Variants in EXOC4 observed in about 807,000 individuals in gnomAD.
The protein encoded by EXOC4 is SEC8-like 1.
EXOC4 carries 71 observed loss-of-function variants against 107.2 expected under a neutral mutation model. The ratio of observed to expected loss-of-function variants is 0.66; its 90% CI spans 0.55 to 0.81. The LOEUF is 0.81. Among genes scored for constraint, EXOC4 ranks in the 30% least tolerant of loss-of-function variants. The pLI, the probability that EXOC4 is intolerant of heterozygous loss-of-function variation, is 0.00. For missense variants in EXOC4, 1,108 were observed against 1,189.6 expected (o/e 0.93, Z 1.01); for synonymous variants, 456 against 441.2 (o/e 1.03, Z -0.42).
intron 10 of EXOC4, among the ~76,000 whole-genome samples, chr7:133,703,240 A>C (rs912371922): frequency 1.6e-4 from 24 of 152,206 alleles, no homozygotes; most frequent in Non-Finnish European, 7.3e-5. Flanking sequence ...CAGCATATGT[A>C]GCATTATTTA....
At chr7:133,638,472 T>C (rs1316217321) in intron 10 of EXOC4, among the ~76,000 whole-genome samples, 1 of 152,132 alleles carries the variant, frequency 6.6e-6, no homozygotes, top group East Asian at 1.9e-4. Flanking sequence ...ATGCTGATGA[T>C]TATCATTGGC....
rs531594523 is a variant in EXOC4 at position 133,571,625 on chromosome 7, A to C, written c.1418-58420A>C. ...AGGAGTCAGCGGTTGCAGTGAGCCAAGATGGCACCACTGCATGCCAGCCTG... is the reference window on the plus strand; with the variant it reads ...AGGAGTCAGCGGTTGCAGTGAGCCACGATGGCACCACTGCATGCCAGCCTG... On this transcript the variant is annotated intron_variant, in intron 9 of 17. Coordinates refer to ENST00000253861, the MANE Select transcript of EXOC4 (RefSeq NM_021807.4). Among the ~76,000 whole-genome samples the C allele has an allele frequency of 2.0e-5, 3 of 151,978 alleles. No homozygotes were observed. The East Asian group carries it at 5.8e-4, about 29-fold the overall frequency.
chr7:133,370,725 C>T (rs1248756332), intron 6 of EXOC4, among the ~76,000 whole-genome samples: 1 of 152,112 alleles, frequency 6.6e-6, no homozygotes, highest in Non-Finnish European at 1.5e-5. Flanking sequence ...ATTTATTTTC[C>T]TTTCACACAG....
intron 14 of EXOC4, among the ~76,000 whole-genome samples, chr7:133,981,878 A>T (rs1793988055): frequency 6.6e-6 from 1 of 152,244 alleles, no homozygotes; most frequent in Admixed American, 6.5e-5. Context: ...GGCAGATTGG[A>T]TAAAGAAAAT....
At chr7:133,955,354 C>G (rs993196102) in intron 14 of EXOC4, among the ~76,000 whole-genome samples, 1 of 152,164 alleles carries the variant, frequency 6.6e-6, no homozygotes, top group South Asian at 2.1e-4. Context: ...TGGGTAGCTC[C>G]TCTCTGCAGC....
At chr7:133,878,340 A>G (rs1163690121) in intron 11 of EXOC4, among the ~76,000 whole-genome samples, 3 of 152,198 alleles carry the variant, frequency 2.0e-5, no homozygotes, top group Non-Finnish European at 4.4e-5. Flanking sequence ...CACATTTTTC[A>G]TGACAGTGAT....
At chr7:134,047,414 A>AG (rs1795682681) in intron 17 of EXOC4, among the ~76,000 whole-genome samples, 1 of 152,106 alleles carries the variant, frequency 6.6e-6, no homozygotes, top group Non-Finnish European at 1.5e-5. Context: ...TAAAAAAAAA[A>AG]TTGCTATTCT....
chr7:133,790,662 A>G (rs1379854500), intron 10 of EXOC4, among the ~76,000 whole-genome samples: 2 of 152,254 alleles, frequency 1.3e-5, no homozygotes, highest in Non-Finnish European at 2.9e-5. Context: ...TTGTCCTTCT[A>G]TTTAAGATTT....
chr7:133,949,881 A>AT (rs11377103), intron 14 of EXOC4, among the ~76,000 whole-genome samples: 45,685 of 151,656 alleles, frequency 0.3, 7,267 homozygotes, highest in Non-Finnish European at 0.34. Context: ...CGCAAACTTG[A>AT]TTTTTTTTTA....
At chr7:133,836,626 A>T (rs528500266) in intron 11 of EXOC4, among the ~76,000 whole-genome samples, 1 of 152,312 alleles carries the variant, frequency 6.6e-6, no homozygotes, top group East Asian at 1.9e-4. Context: ...CTCCAAAACC[A>T]AATAACGCAC....
chr7:134,030,324 A>C lies in EXOC4; in HGVS notation c.2687+22489A>C, dbSNP rs557807389. Reference sequence around the variant, plus strand: ...TTCATAATAGCCAAAAGGTAGAAACAACTCATATGTCCATCAATGATGAGT... The same window carrying C: ...TTCATAATAGCCAAAAGGTAGAAACCACTCATATGTCCATCAATGATGAGT... On this transcript the variant is annotated intron_variant, in intron 17 of 17. Transcript: ENST00000253861. 4.6e-4 allele frequency among the ~76,000 whole-genome samples: 70 copies of C among 152,356 alleles called. No homozygotes were observed. In the South Asian group the frequency reaches 0.012, roughly 25 times the overall value.
intron 10 of EXOC4, among the ~76,000 whole-genome samples, chr7:133,785,888 C>G (rs905190092): frequency 6.6e-6 from 1 of 152,112 alleles, no homozygotes; most frequent in African/African-American, 2.4e-5. Flanking sequence ...CCAGGATGGT[C>G]TTGATCTCCT....
chr7:133,265,238 T>G (rs915582544), intron 1 of EXOC4, among the ~76,000 whole-genome samples: 1 of 152,134 alleles, frequency 6.6e-6, no homozygotes, highest in Non-Finnish European at 1.5e-5. Flanking sequence ...GTTGAGAGTT[T>G]ATGCTTAGTT....
At chr7:134,005,120 T>G (rs1227251796) in intron 16 of EXOC4, 30 bp downstream of exon 16, 6 of 1,587,658 alleles carry the variant, frequency 3.8e-6, no homozygotes, top group East Asian at 2.2e-5. Context: ...TCTGGGAGTT[T>G]GGGAGGAAGA....
chr7:133,351,738 G>C (rs939177104), intron 5 of EXOC4, among the ~76,000 whole-genome samples: 1 of 151,668 alleles, frequency 6.6e-6, no homozygotes, highest in Non-Finnish European at 1.5e-5. Context: ...AGTTTGTTCT[G>C]TTTTCAGATT....
At chr7:133,819,984 G>A (rs1050277378) in intron 11 of EXOC4, among the ~76,000 whole-genome samples, 1 of 152,030 alleles carries the variant, frequency 6.6e-6, no homozygotes, top group Non-Finnish European at 1.5e-5. Context: ...ATGTTACTGT[G>A]CCTCTTGTCC....
At chr7:134,068,037 G>C (rs941621146), downstream of EXOC4, among the ~76,000 whole-genome samples, 41 of 152,294 alleles carry the variant, frequency 2.7e-4, no homozygotes, top group Middle Eastern at 3.4e-3. Flanking sequence ...GGCTCTGAAA[G>C]ACAAGTTTAT....
At chr7:133,506,137 A>T (rs1326193057) in intron 9 of EXOC4, among the ~76,000 whole-genome samples, 1 of 152,158 alleles carries the variant, frequency 6.6e-6, no homozygotes, top group Non-Finnish European at 1.5e-5. Flanking sequence ...TGGCAGTTGG[A>T]TGACAGGATA....
intron 17 of EXOC4, among the ~76,000 whole-genome samples, chr7:134,013,059 A>T (rs188544882): frequency 1.6e-3 from 244 of 152,344 alleles, no homozygotes; most frequent in Non-Finnish European, 2.6e-3. Flanking sequence ...ATACGCTTCA[A>T]ATGTATATAT....
Sources: allele counts gnomAD v4.1 joint callset (sites outside exome capture counted in the v4.1 genomes callset), GRCh38; gene constraint gnomAD v4.1.1; transcripts MANE v1.5; gene names NCBI Gene and HGNC (gene_info 2026-07-23, HGNC 2026-07-21).